KCNH5: variants seen among roughly 807,000 people sequenced by gnomAD.
KCNH5 encodes the protein voltage-gated delayed rectifier potassium channel KCNH5.
In KCNH5, 46 loss-of-function variants were observed where a neutral mutation model predicts 96.1. That is an observed-to-expected ratio of 0.48 (90% CI 0.38 to 0.61). KCNH5 has a LOEUF of 0.61. KCNH5 is among the 20% of genes least tolerant of loss of function. The probability of loss-of-function intolerance (pLI) is 0.00; values close to 1 mark genes in which losing one functional copy is unlikely to be tolerated. For synonymous variants in KCNH5, 439 were observed against 449.8 expected (o/e 0.98, Z 0.30); for missense variants, 907 against 1,225.8 (o/e 0.74, Z 3.88).
At chr14:63,004,978 T>C (rs990617166) in intron 3 of KCNH5, among the ~76,000 whole-genome samples, 18 of 152,200 alleles carry the variant, frequency 1.2e-4, no homozygotes, top group African/African-American at 4.1e-4. Context: ...CATATCTAAA[T>C]TATTGAAGGC....
chr14:62,900,905 G>C (rs554533092), intron 7 of KCNH5, among the ~76,000 whole-genome samples: 1 of 152,074 alleles, frequency 6.6e-6, no homozygotes. Context: ...ATCAATTAAA[G>C]AGACAACCCA....
intron 7 of KCNH5, among the ~76,000 whole-genome samples, chr14:62,934,254 G>A (rs1360100672): frequency 2.0e-5 from 3 of 151,736 alleles, no homozygotes; most frequent in Admixed American, 6.6e-5. Flanking sequence ...AGCCTCCCTA[G>A]TAGCTGAGAC....
At chr14:62,710,982 T>A (rs1884554980) in intron 10 of KCNH5, among the ~76,000 whole-genome samples, 1 of 152,226 alleles carries the variant, frequency 6.6e-6, no homozygotes, top group Non-Finnish European at 1.5e-5. Flanking sequence ...TTTTGTAATG[T>A]CTACATGTCC....
At chr14:62,985,766 T>G (rs772012805) in intron 5 of KCNH5, among the ~76,000 whole-genome samples, 4 of 152,098 alleles carry the variant, frequency 2.6e-5, no homozygotes, top group African/African-American at 4.8e-5. Context: ...CAATTCAAAC[T>G]CAAATATCCT....
At chr14:62,897,258 A>G (rs1209098386) in intron 7 of KCNH5, among the ~76,000 whole-genome samples, 2 of 152,218 alleles carry the variant, frequency 1.3e-5, no homozygotes, top group African/African-American at 4.8e-5. Context: ...ATAACTCCTT[A>G]TTAGCATGAC....
chr14:62,954,287 T>A (rs1309512243), intron 6 of KCNH5, among the ~76,000 whole-genome samples: 1 of 152,146 alleles, frequency 6.6e-6, no homozygotes, highest in African/African-American at 2.4e-5. Context: ...CGTCCCCCAC[T>A]GGGAGAATTC....
chr14:62,858,670 A>G (rs1387894489), intron 7 of KCNH5, among the ~76,000 whole-genome samples: 1 of 152,148 alleles, frequency 6.6e-6, no homozygotes, highest in Non-Finnish European at 1.5e-5. Flanking sequence ...AGGAACAGGA[A>G]GTGAAAATTT....
intron 1 of KCNH5, among the ~76,000 whole-genome samples, chr14:63,040,921 TTC>T (rs1276878187): frequency 6.6e-6 from 1 of 152,104 alleles, no homozygotes; most frequent in African/African-American, 2.4e-5. Context: ...AAATACTACC[TTC>T]TCTGTTTTCT....
At chr14:62,829,936 C>A (rs1198079451) in intron 8 of KCNH5, among the ~76,000 whole-genome samples, 1 of 152,158 alleles carries the variant, frequency 6.6e-6, no homozygotes, top group African/African-American at 2.4e-5. Flanking sequence ...TCTTCATGAA[C>A]GGATATTACT....
chr14:62,956,268 G>A (rs554843552), intron 6 of KCNH5, among the ~76,000 whole-genome samples: 189 of 152,218 alleles, frequency 1.2e-3, no homozygotes, highest in Non-Finnish European at 1.9e-3. Flanking sequence ...AGTATATACT[G>A]TATGATTCCA....
chr14:62,798,219 T>C (rs1886579589), intron 9 of KCNH5, among the ~76,000 whole-genome samples: 1 of 152,168 alleles, frequency 6.6e-6, no homozygotes, highest in Admixed American at 6.5e-5. Flanking sequence ...AAGTTACAAC[T>C]AAAAGACTTA....
At chr14:62,839,581 A>G (rs1234054114) in intron 8 of KCNH5, among the ~76,000 whole-genome samples, 2 of 116,820 alleles carry the variant, frequency 1.7e-5, no homozygotes, top group Non-Finnish European at 3.6e-5. Context: ...TTTGGGTACC[A>G]ATATGTTCCT....
At chr14:62,824,526 T>C (rs1887180100) in intron 8 of KCNH5, among the ~76,000 whole-genome samples, 1 of 152,128 alleles carries the variant, frequency 6.6e-6, no homozygotes, top group Non-Finnish European at 1.5e-5. Context: ...ATAAAAGTTT[T>C]ATATATTGAA....
chr14:62,957,843 G>A (rs1469010563), intron 6 of KCNH5, among the ~76,000 whole-genome samples: 2 of 152,214 alleles, frequency 1.3e-5, no homozygotes, highest in South Asian at 2.1e-4. Flanking sequence ...ACAGATGCAT[G>A]AGTAAACTTA....
intron 6 of KCNH5, among the ~76,000 whole-genome samples, chr14:62,977,169 A>G (rs139135594): frequency 1.9e-4 from 29 of 152,170 alleles, no homozygotes; most frequent in African/African-American, 7.0e-4. Flanking sequence ...TCAGGAGTTC[A>G]AGACCAGACT....
chr14:62,709,050 G>A (rs998298809), intron 10 of KCNH5, among the ~76,000 whole-genome samples: 15 of 151,260 alleles, frequency 9.9e-5, no homozygotes, highest in Non-Finnish European at 1.6e-4. Context: ...TCGAGACCAC[G>A]GTGAAACCCC....
Position 62,782,837 on chromosome 14 carries a change from T to TA in KCNH5, c.1823-2914dup, listed in dbSNP as rs1423700578. ...AAAAATAAAATAAAATAAAATGAAA[T>TA]AAAAAAAATAACCAAAGGAACACTT... On this transcript the variant is annotated intron_variant, in intron 9 of 10. Coordinates refer to ENST00000322893, the MANE Select transcript of KCNH5 (RefSeq NM_139318.5). Among the ~76,000 whole-genome samples, 8 of 151,492 alleles carry TA rather than the reference T, an allele frequency of 5.3e-5. No individual in the cohort carries two copies. In the East Asian group the frequency reaches 7.8e-4, roughly 15 times the overall value.
At chr14:62,971,088 T>C (rs1238446055) in intron 6 of KCNH5, among the ~76,000 whole-genome samples, 1 of 152,038 alleles carries the variant, frequency 6.6e-6, no homozygotes, top group Non-Finnish European at 1.5e-5. Flanking sequence ...TGATTATCCA[T>C]GAGATGAGAT....
chr14:62,770,621 CT>C, intron 10 of KCNH5, among the ~76,000 whole-genome samples: 1 of 152,212 alleles, frequency 6.6e-6, no homozygotes, highest in East Asian at 1.9e-4. Flanking sequence ...TGCCTGGGGA[CT>C]TTTTTCTAAG....
Sources: allele counts gnomAD v4.1 joint callset (sites outside exome capture counted in the v4.1 genomes callset), GRCh38; gene constraint gnomAD v4.1.1; transcripts MANE v1.5; gene names NCBI Gene and HGNC (gene_info 2026-07-23, HGNC 2026-07-21).